Variants in ANKRD11 observed in about 807,000 individuals in gnomAD.
The protein encoded by ANKRD11 is ankyrin repeat domain 11, also known as ankyrin repeat domain-containing protein 11.
In ANKRD11, 17 loss-of-function variants were observed where a neutral mutation model predicts 195.7. That is an observed-to-expected ratio of 0.09 (90% CI 0.06 to 0.13). ANKRD11 has a LOEUF of 0.13. ANKRD11 is among the 10% of genes least tolerant of loss of function. The pLI, the probability that ANKRD11 is intolerant of heterozygous loss-of-function variation, is 1.00. For missense variants in ANKRD11, 3,735 were observed against 3,566.1 expected (o/e 1.05, Z -1.21); for synonymous variants, 1,953 against 1,528.1 (o/e 1.28, Z -6.49).
chr16:89,443,838 AGT>A (rs2043647291), intron 1 of ANKRD11, among the ~76,000 whole-genome samples: 1 of 152,242 alleles, frequency 6.6e-6, no homozygotes, highest in Non-Finnish European at 1.5e-5. Flanking sequence ...AAGGCCCGTG[AGT>A]GCAGAGCAAG....
At chr16:89,358,487 A>AGTTGAGAAGATGGATACCCC (rs2039587922) in intron 2 of ANKRD11, among the ~76,000 whole-genome samples, 1 of 152,268 alleles carries the variant, frequency 6.6e-6, no homozygotes, top group Non-Finnish European at 1.5e-5. Flanking sequence ...AAGGATAACT[A>AGTTGAGAAGATGGATACCCC]GTTGAGAAGA....
intron 6 of ANKRD11, 33 bp downstream of exon 6, chr16:89,290,592 C>A (rs2034997337): frequency 6.2e-7 from 1 of 1,603,310 alleles, no homozygotes; most frequent in Admixed American, 1.7e-5. Flanking sequence ...TCCAGTGGGG[C>A]TCTCTGGCCC....
intron 2 of ANKRD11, among the ~76,000 whole-genome samples, chr16:89,405,774 G>A (rs556384845): frequency 7.9e-5 from 12 of 152,188 alleles, no homozygotes; most frequent in Middle Eastern, 3.4e-3. Flanking sequence ...GGGGCTTAGG[G>A]GTCAAATTCC....
intron 1 of ANKRD11, among the ~76,000 whole-genome samples, chr16:89,480,164 C>T (rs531038981): frequency 6.6e-6 from 1 of 151,670 alleles, no homozygotes; most frequent in Non-Finnish European, 1.5e-5. Context: ...CCTTCTCAGA[C>T]CACAAGCCTT....
intron 1 of ANKRD11, among the ~76,000 whole-genome samples, chr16:89,436,573 C>T (rs1443000677): frequency 1.3e-5 from 2 of 152,104 alleles, no homozygotes; most frequent in Admixed American, 6.6e-5. Context: ...ACGGCTGTTC[C>T]GCAAGAGCAG....
intron 1 of ANKRD11, among the ~76,000 whole-genome samples, chr16:89,450,348 G>C (rs1567822742): frequency 1.3e-5 from 2 of 152,196 alleles, no homozygotes; most frequent in East Asian, 3.8e-4. Context: ...CTCAGAGACA[G>C]AATGTAAGAA....
chr16:89,397,526 C>T (rs751707407), intron 2 of ANKRD11, among the ~76,000 whole-genome samples: 2 of 152,356 alleles, frequency 1.3e-5, no homozygotes, highest in Non-Finnish European at 2.9e-5. Flanking sequence ...TCTGTGCAGT[C>T]GTCCCTGACG....
chr16:89,274,737 G>T (rs2033491699), intron 11 of ANKRD11, 77 bp downstream of exon 11: 8 of 1,591,772 alleles, frequency 5.0e-6, no homozygotes, highest in African/African-American at 1.3e-5. Context: ...TCAAAGTGCA[G>T]AATCTATCAA....
chr16:89,296,919 C>G (rs1055530956), intron 4 of ANKRD11, among the ~76,000 whole-genome samples: 2 of 152,220 alleles, frequency 1.3e-5, no homozygotes, highest in African/African-American at 4.8e-5. Context: ...CTCAAAGCCC[C>G]TCATCCCTCC....
At chr16:89,468,741 T>C (rs915076722) in intron 1 of ANKRD11, among the ~76,000 whole-genome samples, 2 of 151,986 alleles carry the variant, frequency 1.3e-5, no homozygotes, top group African/African-American at 4.8e-5. Flanking sequence ...AGTGAAGCCA[T>C]GTGGCCCCTG....
Position 89,281,584 on chromosome 16 carries a change from T to A in ANKRD11, c.4958A>T (p.Lys1653Met). The change falls in exon 9 of 13, where the codon AAG becomes ATG. Residue 1653 changes from lysine to methionine, a missense_variant. Lys to Met is a moderately conservative substitution (Grantham distance 95). Coordinates refer to ENST00000301030, the MANE Select transcript of ANKRD11 (RefSeq NM_013275.6). This position sits in a 1 kb window ranked among gnomAD's most constrained non-coding sequence, Gnocchi z 5.5. ...TGGAATAGGAGTCGACTCTTTGAGC[T>A]TTTTGTCTTTAAATGGAGGGTCCAG... ...PGLDPPFKDKKLKESTPIPPA... is the reference protein window; with the variant it reads ...PGLDPPFKDKMLKESTPIPPA... 6.2e-7 allele frequency: 1 copy of A among 1,614,180 alleles called. No homozygotes were observed. The highest frequency in any genetic ancestry group is 8.5e-7 in the Non-Finnish European group (1 of 1,180,038).
intron 2 of ANKRD11, among the ~76,000 whole-genome samples, chr16:89,417,582 C>T (rs1030018791): frequency 1.3e-5 from 2 of 152,158 alleles, no homozygotes; most frequent in Non-Finnish European, 2.9e-5. Context: ...GCGAACCAGG[C>T]TCCCACTCCT....
chr16:89,490,510 C>G lies in ANKRD11; in HGVS notation c.-410G>C. ...TCTGGCCGCGGGCTCGGCGGCGGCG[C>G]CTCCCCGGCTGGGGCCCTCGGTCCA... On this transcript the variant is annotated 5_prime_UTR_variant, in exon 1 of 13. Coordinates refer to ENST00000301030, the MANE Select transcript of ANKRD11 (RefSeq NM_013275.6). 1 of 470,122 alleles carries G rather than the reference C, an allele frequency of 2.1e-6. No individual in the cohort carries two copies. Among genetic ancestry groups the G allele is most frequent in the Non-Finnish European group, 3.8e-6 (1 of 261,572 alleles). 29.1% of individuals were successfully genotyped at this position (470,122 alleles called of 1,614,324 possible).
intron 6 of ANKRD11, among the ~76,000 whole-genome samples, chr16:89,290,229 AGGCTCAGGGCTCCAGCGGGGGGT>A: frequency 4.4e-5 from 1 of 22,920 alleles, no homozygotes. Flanking sequence ...CCAATGGGGG[AGGCTCAGGGCTCCAGCGGGGGGT>A]AGGCTCAGGG....
chr16:89,478,837 T>C (rs974347027), intron 1 of ANKRD11, among the ~76,000 whole-genome samples: 6 of 152,254 alleles, frequency 3.9e-5, no homozygotes, highest in African/African-American at 1.4e-4. Flanking sequence ...ACTGGGATTA[T>C]TCCTAAATTT....
chr16:89,283,921 G>C lies in ANKRD11; in HGVS notation c.2621C>G (p.Ala874Gly). The change falls in exon 9 of 13, where the codon GCC becomes GGC. Residue 874 changes from alanine (A) to glycine (G), a missense_variant. Ala to Gly is a moderately conservative substitution (Grantham distance 60). Transcript: ENST00000301030. This position sits in a 1 kb window ranked among gnomAD's most constrained non-coding sequence, Gnocchi z 4.3. Reference sequence around the variant, plus strand: ...CTTCACCGTCTCCAAGATGAGCTTGGCCACAGAGTCGCTCTTCATGTCCCT... The same window carrying C: ...CTTCACCGTCTCCAAGATGAGCTTGCCCACAGAGTCGCTCTTCATGTCCCT... ...DYRDMKSDSV[A>G]KLILETVKED... The C allele has an allele frequency of 4.3e-6, 7 of 1,614,092 alleles. No homozygotes were observed. Among genetic ancestry groups the C allele is most frequent in the Non-Finnish European group, 5.9e-6 (7 of 1,180,038 alleles).
chr16:89,427,984 G>C (rs1423797177), intron 1 of ANKRD11, among the ~76,000 whole-genome samples: 4 of 151,814 alleles, frequency 2.6e-5, no homozygotes, highest in Admixed American at 6.6e-5. Context: ...AAGGCAGATG[G>C]ATCACTTGAG....
At chr16:89,334,663 T>C (rs1191779039) in intron 2 of ANKRD11, among the ~76,000 whole-genome samples, 1 of 151,780 alleles carries the variant, frequency 6.6e-6, no homozygotes, top group African/African-American at 2.4e-5. Context: ...AGGGGCCACA[T>C]CCACGAGGGC....
Position 89,347,436 on chromosome 16 carries a change from C to T in ANKRD11, c.-59-30358G>A, listed in dbSNP as rs551571852. Among the ~76,000 whole-genome samples, 13 of 152,074 alleles carry T rather than the reference C, an allele frequency of 8.5e-5. 1 individual carries two copies. The South Asian group carries it at 2.5e-3, about 29-fold the overall frequency. On this transcript the variant is annotated intron_variant, in intron 2 of 12. Transcript: ENST00000301030. ...CATCCTGGCTAGCACGGTGAAACCC[C>T]GTCTCTACTAAAAAATACAAAAAAA...
Sources: gnomAD v4.1 joint callset for allele counts (sites outside exome capture counted in the v4.1 genomes callset) on GRCh38, gnomAD v4.1.1 for gene constraint, Gnocchi (gnomAD v3.1) non-coding constraint, MANE v1.5 for transcripts, NCBI Gene and HGNC (gene_info 2026-07-23, HGNC 2026-07-21) for gene names.